PMEPA1: variants seen among roughly 807,000 people sequenced by gnomAD.
PMEPA1 encodes the protein prostate transmembrane protein, androgen induced 1.
Under a neutral mutation model 23.0 loss-of-function variants are expected in PMEPA1, and 11 were observed. The ratio of observed to expected loss-of-function variants is 0.48; its 90% CI spans 0.30 to 0.79. The LOEUF is 0.79. PMEPA1 is among the 30% of genes least tolerant of loss of function. PMEPA1 has a pLI of 0.06. For missense variants in PMEPA1, 377 were observed against 390.9 expected (o/e 0.96, Z 0.30); for synonymous variants, 204 against 166.4 (o/e 1.23, Z -1.74).
At chr20:57,671,341 G>A (rs1365358498) in intron 1 of PMEPA1, among the ~76,000 whole-genome samples, 2 of 152,216 alleles carry the variant, frequency 1.3e-5, no homozygotes, top group East Asian at 1.9e-4. Context: ...GAGAGTGGAC[G>A]ACAAATGGGG....
chr20:57,676,111 G>A (rs550024340), intron 1 of PMEPA1, among the ~76,000 whole-genome samples: 4 of 152,358 alleles, frequency 2.6e-5, no homozygotes, highest in South Asian at 2.1e-4. Flanking sequence ...GGAAGCTTCC[G>A]GAGGTGTCTT....
chr20:57,687,659 G>C (rs1003810148), intron 1 of PMEPA1, among the ~76,000 whole-genome samples: 45 of 152,224 alleles, frequency 3.0e-4, no homozygotes, highest in Non-Finnish European at 5.1e-4. Flanking sequence ...TGAAAAGAAA[G>C]GATAAAATAC....
Position 57,664,203 on chromosome 20 carries a change from C to A in PMEPA1, c.110-4506G>T, listed in dbSNP as rs187832697. On this transcript the variant is annotated intron_variant, in intron 1 of 3. Coordinates refer to ENST00000341744, the MANE Select transcript of PMEPA1 (RefSeq NM_020182.5). ...CGGGAGCAGGGCTGTGGGCAGCCAC[C>A]CTCTCCACAGGCCTGGTCCCGGGAC... Among the ~76,000 whole-genome samples, 625 of 152,294 alleles carry A rather than the reference C, an allele frequency of 4.1e-3. 6 individuals are homozygous for A. The highest frequency in any genetic ancestry group is 0.014 in the African/African-American group (601 of 41,562).
chr20:57,708,849 G>A (rs2072123389), intron 1 of PMEPA1, among the ~76,000 whole-genome samples: 1 of 151,982 alleles, frequency 6.6e-6, no homozygotes, highest in Non-Finnish European at 1.5e-5. Context: ...CCCGGACACG[G>A]GAAAGACACA....
chr20:57,692,766 G>A (rs1318848868), intron 1 of PMEPA1, among the ~76,000 whole-genome samples: 3 of 152,168 alleles, frequency 2.0e-5, no homozygotes, highest in African/African-American at 4.8e-5. Flanking sequence ...TCTTCATTGT[G>A]GAAAGAAAAG....
chr20:57,670,547 G>T (rs533407114), intron 1 of PMEPA1, among the ~76,000 whole-genome samples: 1 of 152,118 alleles, frequency 6.6e-6, no homozygotes, highest in Admixed American at 6.5e-5. Context: ...CCCTCAGGTC[G>T]CATGCACACC....
rs2071200397 is a variant in PMEPA1 at position 57,649,914 on chromosome 20, G to A, written c.*2139C>T. 6.6e-6 allele frequency: 1 copy of A among 152,598 alleles called. No homozygotes were observed. The highest frequency in any genetic ancestry group is 2.4e-5 in the African/African-American group (1 of 41,442). The allele number at this position is 152,598 out of a possible 1,614,324, so 9.5% of individuals were successfully genotyped here. On this transcript the variant is annotated 3_prime_UTR_variant, in exon 4 of 4. Transcript: ENST00000341744. ...AGGCACTAGAGACGCGTCACATAAA[G>A]GAAAGATACGTTTTAATCATCTTTA...
intron 1 of PMEPA1, among the ~76,000 whole-genome samples, chr20:57,705,659 C>A (rs992243881): frequency 6.6e-6 from 1 of 152,212 alleles, no homozygotes; most frequent in Non-Finnish European, 1.5e-5. Flanking sequence ...TTCACAGGGA[C>A]GAACGTCTGA....
upstream of PMEPA1, chr20:57,711,389 C>G (rs2146725468): frequency 6.6e-6 from 1 of 152,308 alleles, no homozygotes; most frequent in East Asian, 1.9e-4. Flanking sequence ...GGTTCCCGCT[C>G]TCCCTGCACA....
chr20:57,703,277 TC>T (rs1303950721), intron 1 of PMEPA1, among the ~76,000 whole-genome samples: 1 of 152,224 alleles, frequency 6.6e-6, no homozygotes, highest in African/African-American at 2.4e-5. Context: ...TCAGGGCCTT[TC>T]TTTTAATGGT....
intron 1 of PMEPA1, among the ~76,000 whole-genome samples, chr20:57,660,739 C>A (rs1227915391): frequency 5.3e-5 from 8 of 150,056 alleles, no homozygotes; most frequent in African/African-American, 2.0e-4. Context: ...AACACTCCTA[C>A]ACACACAACA....
At chr20:57,665,211 C>T (rs1454688042) in intron 1 of PMEPA1, among the ~76,000 whole-genome samples, 4 of 152,188 alleles carry the variant, frequency 2.6e-5, no homozygotes, top group African/African-American at 9.7e-5. Flanking sequence ...TAGGTAACAT[C>T]ACCATGCCCA....
chr20:57,694,047 G>T (rs2071915990), intron 1 of PMEPA1, among the ~76,000 whole-genome samples: 2 of 152,184 alleles, frequency 1.3e-5, no homozygotes, highest in South Asian at 4.1e-4. Context: ...CCACAGCCTG[G>T]ACCACAGAAC....
At chr20:57,684,052 T>C (rs963524531) in intron 1 of PMEPA1, among the ~76,000 whole-genome samples, 5 of 152,126 alleles carry the variant, frequency 3.3e-5, no homozygotes, top group African/African-American at 1.2e-4. Flanking sequence ...TCAAGTAGGC[T>C]GATAGGTTAG....
At chr20:57,705,596 C>T (rs983623230) in intron 1 of PMEPA1, among the ~76,000 whole-genome samples, 7 of 152,344 alleles carry the variant, frequency 4.6e-5, no homozygotes, top group African/African-American at 1.7e-4. Flanking sequence ...TGGCACACAA[C>T]AGGCACTCAG....
In PMEPA1 at chr20:57,652,249, C is replaced by T; in HGVS notation, c.668G>A (p.Gly223Glu). ...GISATCYGSGGRMEGPPPTYS... is the reference protein window; with the variant it reads ...GISATCYGSGERMEGPPPTYS... ...GGTGGGCGGCGGCCCCTCCATGCGC[C>T]CGCCGCTGCCGTAGCACGTGGCGCT... The change falls in exon 4 of 4, where the codon GGG (glycine) becomes GAG (glutamate). Residue 223 changes from glycine to glutamate, a missense_variant. Gly to Glu is a moderately conservative substitution (Grantham distance 98). Transcript: ENST00000341744. The surrounding 1 kb of genome is among the most constrained non-coding windows in gnomAD (Gnocchi z 6.1). 7 of 1,607,410 alleles carry T rather than the reference C, an allele frequency of 4.4e-6. No individual in the cohort carries two copies. Among genetic ancestry groups the T allele is most frequent in the Non-Finnish European group, 5.9e-6 (7 of 1,179,308 alleles).
rs6092521 is a variant in PMEPA1, at chr20:57,683,839, C to T, written c.110-24142G>A. Among the ~76,000 whole-genome samples the T allele has an allele frequency of 6.6e-6, 1 of 151,954 alleles. No homozygotes were observed. The highest frequency in any genetic ancestry group is 1.5e-5 in the Non-Finnish European group (1 of 68,002). On this transcript the variant is annotated intron_variant, in intron 1 of 3. Coordinates refer to ENST00000341744, the MANE Select transcript of PMEPA1 (RefSeq NM_020182.5). This position sits in a 1 kb window ranked among gnomAD's most constrained non-coding sequence, Gnocchi z 4.3. Reference sequence around the variant, plus strand: ...CCTCCGAAGCACACTGTCCAGCCACCTGCACAAAGTCCATCATAAACCCAT... The same window carrying T: ...CCTCCGAAGCACACTGTCCAGCCACTTGCACAAAGTCCATCATAAACCCAT...
At position 57,655,815 on chromosome 20, in the gene PMEPA1, T is replaced by A. The variant is rs1410961208; in HGVS notation, c.265-2729A>T. Among the ~76,000 whole-genome samples, 1 of 152,178 alleles carries A rather than the reference T, an allele frequency of 6.6e-6. No individual in the cohort carries two copies. The highest frequency in any genetic ancestry group is 1.5e-5 in the Non-Finnish European group (1 of 68,030). On this transcript the variant is annotated intron_variant, in intron 2 of 3. Transcript: ENST00000341744. The surrounding 1 kb of genome is among the most constrained non-coding windows in gnomAD (Gnocchi z 4.2). ...TCTAGACCAAGGGTCTGAAAACTGT[T>A]TCCATAAAGAGCCAGAGAGTAAAAT...
Position 57,650,243 on chromosome 20 carries a change from T to C in PMEPA1, c.*1810A>G, listed in dbSNP as rs1488523555. 1.3e-5 allele frequency: 2 copies of C among 152,270 alleles called. No individual in the cohort carries two copies. The highest frequency in any genetic ancestry group is 4.8e-5 in the African/African-American group (2 of 41,478). The allele number at this position is 152,270 out of a possible 1,614,324, so 9.4% of individuals were successfully genotyped here. On this transcript the variant is annotated 3_prime_UTR_variant, in exon 4 of 4. Coordinates refer to ENST00000341744, the MANE Select transcript of PMEPA1 (RefSeq NM_020182.5). ...AAAAGTTGCTCACAAACAATAGTTA[T>C]TGCCTTTTATATCTTTTATGTTAGT...
Sources: allele counts gnomAD v4.1 joint callset (sites outside exome capture counted in the v4.1 genomes callset), GRCh38; gene constraint gnomAD v4.1.1; non-coding constraint Gnocchi (gnomAD v3.1); transcripts MANE v1.5; gene names NCBI Gene and HGNC (gene_info 2026-07-23, HGNC 2026-07-21).